The following CLVS1 variants were observed in gnomAD, a reference collection of about 807,000 sequenced individuals.
The protein encoded by CLVS1 is clavesin 1, also known as clavesin-1.
CLVS1 carries 10 observed loss-of-function variants against 33.1 expected under a neutral mutation model. The observed-to-expected ratio is 0.30, with a 90% CI of 0.19 to 0.51. CLVS1 has a LOEUF of 0.51. CLVS1 is among the 20% of genes least tolerant of loss of function. The probability of loss-of-function intolerance (pLI) is 0.97; values close to 1 mark genes in which losing one functional copy is unlikely to be tolerated. For synonymous variants in CLVS1, 163 were observed against 166.1 expected (o/e 0.98, Z 0.14); for missense variants, 343 against 433.4 (o/e 0.79, Z 1.85).
intron 2 of CLVS1, among the ~76,000 whole-genome samples, chr8:61,213,758 T>G (rs1164496574): frequency 6.6e-6 from 1 of 152,152 alleles, no homozygotes; most frequent in Admixed American, 6.5e-5. Context: ...TTGAGCAATA[T>G]TAAATCTGGG....
intron 1 of CLVS1, among the ~76,000 whole-genome samples, chr8:61,074,074 A>G (rs1804854876): frequency 6.6e-6 from 1 of 151,014 alleles, no homozygotes; most frequent in African/African-American, 2.4e-5. Flanking sequence ...ATGGTGGCTC[A>G]CACCTGTAAT....
rs11444687 is a variant in CLVS1 at position 61,389,540 on chromosome 8, G to GAA, written c.630+12771_630+12772dup. ...CCTGGGCGACTCCATCTCAAAAAAG[G>GAA]AAAAAAAAAAAGACAAATAACAGCT... On this transcript the variant is annotated intron_variant, in intron 3 of 5. Transcript: ENST00000325897. 2.0e-3 allele frequency among the ~76,000 whole-genome samples: 288 copies of GAA among 143,300 alleles called. 1 individual carries two copies. The highest frequency in any genetic ancestry group is 6.6e-3 in the African/African-American group (260 of 39,432). 94.0% of individuals were successfully genotyped at this position (143,300 alleles called of 152,430 possible). A position where few individuals can be genotyped will look rare whatever the true frequency, so the allele number is the denominator to read the frequency against.
chr8:61,377,050 A>G, intron 3 of CLVS1: 1 of 340,612 alleles, frequency 2.9e-6, no homozygotes, highest in East Asian at 5.3e-5. Flanking sequence ...GTTCGGCTTA[A>G]TCCATCAGAG....
intron 1 of CLVS1, among the ~76,000 whole-genome samples, chr8:61,064,581 C>T (rs1338258070): frequency 1.3e-5 from 2 of 148,324 alleles, no homozygotes; most frequent in Non-Finnish European, 3.0e-5. Context: ...AGTCTTGTTG[C>T]CCAGGCTGGA....
At chr8:61,374,335 G>A (rs1168827167) in intron 2 of CLVS1, among the ~76,000 whole-genome samples, 1 of 151,938 alleles carries the variant, frequency 6.6e-6, no homozygotes, top group Non-Finnish European at 1.5e-5. Flanking sequence ...CTGTATGTAA[G>A]CTTTACCTTA....
chr8:61,215,160 A>C (rs1808057980), intron 2 of CLVS1, among the ~76,000 whole-genome samples: 1 of 152,172 alleles, frequency 6.6e-6, no homozygotes, highest in South Asian at 2.1e-4. Context: ...GGATGGGATA[A>C]TGTTTTGGCA....
At chr8:61,009,911 T>C in the CLVS1 span, among the ~76,000 whole-genome samples, 11 of 152,352 alleles carry the variant, frequency 7.2e-5, no homozygotes, top group African/African-American at 1.7e-4. Flanking sequence ...GCTTTGACCA[T>C]GTACCATACA....
chr8:61,075,424 T>G (rs937486407), intron 1 of CLVS1, among the ~76,000 whole-genome samples: 1 of 152,198 alleles, frequency 6.6e-6, no homozygotes, highest in African/African-American at 2.4e-5. Context: ...CTCCAACATC[T>G]GCAAAGGCTG....
chr8:61,192,136 G>T (rs1280900073), intron 2 of CLVS1, among the ~76,000 whole-genome samples: 1 of 152,102 alleles, frequency 6.6e-6, no homozygotes, highest in Admixed American at 6.6e-5. Context: ...ATACTACAAG[G>T]CTACAGTAAC....
intron 1 of CLVS1, among the ~76,000 whole-genome samples, chr8:61,110,717 C>G (rs376561175): frequency 1.3e-5 from 2 of 152,156 alleles, no homozygotes; most frequent in East Asian, 1.9e-4. Context: ...TCCCCTACCC[C>G]CTGGCAACCA....
At chr8:61,270,476 T>G (rs1585737311) in intron 2 of CLVS1, among the ~76,000 whole-genome samples, 1 of 152,308 alleles carries the variant, frequency 6.6e-6, no homozygotes, top group Admixed American at 6.5e-5. Context: ...TAAAATTCCC[T>G]TTTTTTGTTG....
intron 2 of CLVS1, among the ~76,000 whole-genome samples, chr8:61,306,460 C>A (rs191940549): frequency 3.3e-5 from 5 of 152,178 alleles, no homozygotes; most frequent in African/African-American, 4.8e-5. Flanking sequence ...GCATTACATG[C>A]AAGAATTTTC....
intron 1 of CLVS1, among the ~76,000 whole-genome samples, chr8:61,060,373 G>A (rs1804561817): frequency 6.6e-6 from 1 of 152,262 alleles, no homozygotes; most frequent in South Asian, 2.1e-4. Context: ...GGAAATGATG[G>A]TCCAGTGAAA....
At chr8:61,143,787 TATA>T (rs200123234) in intron 2 of CLVS1, among the ~76,000 whole-genome samples, 11,975 of 146,744 alleles carry the variant, frequency 0.082, 733 homozygotes, top group East Asian at 0.25. Flanking sequence ...GTACATATTA[TATA>T]TACATAATAT....
chr8:61,173,089 T>G (rs1020115853), intron 2 of CLVS1, among the ~76,000 whole-genome samples: 3 of 152,086 alleles, frequency 2.0e-5, no homozygotes, highest in African/African-American at 7.3e-5. Flanking sequence ...ATTCAGTACT[T>G]TCCCTCTACA....
At chr8:61,036,106 T>A in the CLVS1 span, among the ~76,000 whole-genome samples, 1 of 152,180 alleles carries the variant, frequency 6.6e-6, no homozygotes, top group African/African-American at 2.4e-5. Flanking sequence ...CATTAAAGCA[T>A]TTGTATTGGC....
chr8:61,082,784 C>T (rs1217660522), intron 1 of CLVS1, among the ~76,000 whole-genome samples: 1 of 152,072 alleles, frequency 6.6e-6, no homozygotes, highest in East Asian at 1.9e-4. Flanking sequence ...GTTGCTCATG[C>T]CTGTAATCCC....
chr8:61,368,704 A>G (rs1204083363), intron 2 of CLVS1, among the ~76,000 whole-genome samples: 1 of 152,262 alleles, frequency 6.6e-6, no homozygotes, highest in Non-Finnish European at 1.5e-5. Context: ...GAAATAATGT[A>G]GCTGGCTCCC....
chr8:61,189,937 C>A (rs1442614884), intron 2 of CLVS1, among the ~76,000 whole-genome samples: 10 of 152,088 alleles, frequency 6.6e-5, no homozygotes, highest in Non-Finnish European at 1.5e-4. Context: ...GACTTTAACA[C>A]CCCACTGTCA....
Sources: gnomAD v4.1 joint callset for allele counts (sites outside exome capture counted in the v4.1 genomes callset) on GRCh38, gnomAD v4.1.1 for gene constraint, MANE v1.5 for transcripts, NCBI Gene and HGNC (gene_info 2026-07-23, HGNC 2026-07-21) for gene names.